Variants in ROBO1 observed in about 807,000 individuals in gnomAD.
ROBO1 encodes roundabout homolog 1.
In ROBO1, 149 loss-of-function variants were observed where a neutral mutation model predicts 195.9. The ratio of observed to expected loss-of-function variants is 0.76; its 90% CI spans 0.67 to 0.87. ROBO1 has a LOEUF of 0.87. Ranked by LOEUF, ROBO1 falls within the 40% of genes least tolerant of loss-of-function variation. The pLI is 0.00. For synonymous variants in ROBO1, 816 were observed against 733.2 expected, an observed-to-expected ratio of 1.11 and a Z score of -1.82; for missense variants, 1,933 against 2,068.3, an observed-to-expected ratio of 0.93 and a Z score of 1.27.
intron 4 of ROBO1, among the ~76,000 whole-genome samples, chr3:78,846,009 A>G (rs72896429): frequency 0.022 from 3,349 of 152,200 alleles, 98 homozygotes; most frequent in African/African-American, 0.074. Flanking sequence ...TTTTTATATA[A>G]CATTTCAAGT....
intron 3 of ROBO1, among the ~76,000 whole-genome samples, chr3:78,946,270 G>T (rs566896184): frequency 1.7e-4 from 26 of 152,306 alleles, no homozygotes; most frequent in African/African-American, 5.3e-4. Flanking sequence ...GGCAGCCAGG[G>T]AGAAAGGTCG....
intron 2 of ROBO1, among the ~76,000 whole-genome samples, chr3:79,298,465 GCTGT>G (rs1399065032): frequency 4.6e-5 from 7 of 152,064 alleles, no homozygotes; most frequent in Non-Finnish European, 8.8e-5. Context: ...AGTAGTCCTT[GCTGT>G]CTGTTTCTCT....
At chr3:79,570,690 T>A (rs935050680) in intron 2 of ROBO1, among the ~76,000 whole-genome samples, 1 of 152,170 alleles carries the variant, frequency 6.6e-6, no homozygotes, top group Admixed American at 6.6e-5. Flanking sequence ...ATAATTACAG[T>A]CAGAAAAACA....
intron 4 of ROBO1, among the ~76,000 whole-genome samples, chr3:78,798,668 A>AT (rs2084257846): frequency 6.6e-6 from 1 of 152,206 alleles, no homozygotes; most frequent in East Asian, 1.9e-4. Flanking sequence ...TTCATCATAT[A>AT]TTTTTAGATC....
At chr3:79,592,036 T>C (rs552885539) in intron 1 of ROBO1, among the ~76,000 whole-genome samples, 30 of 151,946 alleles carry the variant, frequency 2.0e-4, no homozygotes, top group Non-Finnish European at 3.8e-4. Flanking sequence ...TGCTTATTAC[T>C]TAAAAATTTA....
At chr3:79,122,384 A>C (rs2080135936) in intron 3 of ROBO1, among the ~76,000 whole-genome samples, 1 of 151,978 alleles carries the variant, frequency 6.6e-6, no homozygotes, top group African/African-American at 2.4e-5. Flanking sequence ...ATATTTCAAA[A>C]CCTTACATGG....
intron 3 of ROBO1, among the ~76,000 whole-genome samples, chr3:78,993,889 A>G (rs1257843880): frequency 3.3e-5 from 5 of 152,098 alleles, no homozygotes; most frequent in Non-Finnish European, 7.4e-5. Context: ...ATCCTGTCAC[A>G]TTTTGACAGA....
chr3:79,400,585 A>G (rs1437855339), intron 2 of ROBO1, among the ~76,000 whole-genome samples: 1 of 152,058 alleles, frequency 6.6e-6, no homozygotes, highest in South Asian at 2.1e-4. Flanking sequence ...GTTAGCTGTC[A>G]AGGATGATGG....
Position 78,886,883 on chromosome 3 carries a change from A to G in ROBO1, c.499+51718T>C, listed in dbSNP as rs865812159. ...ACACGAATGGATAATGATTAAAAAG[A>G]GCTCCAAGGAGATTCTGAGTTGCTG... is the stretch of plus-strand genomic sequence containing the variant. On this transcript the variant is annotated intron_variant, in intron 4 of 30. Transcript: ENST00000464233. Among the ~76,000 whole-genome samples the G allele has an allele frequency of 5.3e-5, 8 of 152,158 alleles. No homozygotes were observed. In the South Asian group the frequency reaches 1.4e-3, roughly 28 times the overall value.
Position 79,625,446 on chromosome 3 carries a change from C to G in ROBO1, c.-50-35485G>C, listed in dbSNP as rs990326116. On this transcript the variant is annotated intron_variant, in intron 1 of 30. Transcript: ENST00000464233. ...TTGAAAAAAAAAAAAAAAAAAAAAG[C>G]AAAATAGACCACTAGCTAGACTAGT... is the stretch of plus-strand genomic sequence containing the variant. 2.6e-3 allele frequency among the ~76,000 whole-genome samples: 88 copies of G among 34,488 alleles called. 1 individual carries two copies. Among genetic ancestry groups the G allele is most frequent in the Middle Eastern group, 0.018 (1 of 56 alleles). 22.6% of individuals were successfully genotyped at this position (34,488 alleles called of 152,430 possible).
chr3:78,846,024 A>G (rs968713134), intron 4 of ROBO1, among the ~76,000 whole-genome samples: 2 of 152,132 alleles, frequency 1.3e-5, no homozygotes, highest in Non-Finnish European at 2.9e-5. Context: ...TCAAGTACAC[A>G]TAGAAATTAG....
At chr3:79,493,585 T>G (rs1939579638) in intron 2 of ROBO1, among the ~76,000 whole-genome samples, 2 of 152,168 alleles carry the variant, frequency 1.3e-5, no homozygotes, top group Middle Eastern at 3.4e-3. Context: ...TCATTTTTAC[T>G]GAAAATATTT....
At chr3:79,296,048 T>C (rs900093655) in intron 2 of ROBO1, among the ~76,000 whole-genome samples, 11 of 152,102 alleles carry the variant, frequency 7.2e-5, no homozygotes, top group African/African-American at 2.2e-4. Flanking sequence ...AAGTATGAAA[T>C]CCATATATGC....
chr3:79,762,150 T>C (rs1158835789), intron 1 of ROBO1, among the ~76,000 whole-genome samples: 1 of 152,182 alleles, frequency 6.6e-6, no homozygotes, highest in Non-Finnish European at 1.5e-5. Flanking sequence ...CTCATAGTTT[T>C]AGAGGCTGGA....
chr3:78,809,902 G>C (rs1413716077), intron 4 of ROBO1, among the ~76,000 whole-genome samples: 2 of 151,756 alleles, frequency 1.3e-5, no homozygotes, highest in Non-Finnish European at 2.9e-5. Context: ...ACGGGTTGAT[G>C]GGTGCAGCAA....
At chr3:79,208,162 G>A (rs1276998180) in intron 2 of ROBO1, among the ~76,000 whole-genome samples, 1 of 152,084 alleles carries the variant, frequency 6.6e-6, no homozygotes, top group African/African-American at 2.4e-5. Flanking sequence ...ATAATTGCCT[G>A]TGCCATCTCT....
rs369219328 is a variant in ROBO1, at chr3:79,757,290, G to A, written c.-51+10462C>T. On this transcript the variant is annotated intron_variant, in intron 1 of 30. Transcript: ENST00000464233. ...CGTTTCCACCAGCAATACATAATCC[G>A]ATTTTGTTTGAAGTCTTAATTAATT... is the stretch of plus-strand genomic sequence containing the variant. 6.6e-5 allele frequency among the ~76,000 whole-genome samples: 10 copies of A among 152,164 alleles called. No individual in the cohort carries two copies. The East Asian group carries it at 7.7e-4, about 12-fold the overall frequency.
At chr3:79,327,260 G>A (rs1482758573) in intron 2 of ROBO1, among the ~76,000 whole-genome samples, 1 of 151,508 alleles carries the variant, frequency 6.6e-6, no homozygotes, top group Non-Finnish European at 1.5e-5. Flanking sequence ...AGACTGACAA[G>A]GTCATTATTA....
In ROBO1 at chr3:78,659,643, C is replaced by T. The variant is rs554072492; in HGVS notation, c.2442+43G>A. ...GCTTTTTCTTTATGAATGGTGGGGGCTGCCCATCAGGACATTAATATATAT... is the reference window on the plus strand; with the variant it reads ...GCTTTTTCTTTATGAATGGTGGGGGTTGCCCATCAGGACATTAATATATAT... On this transcript the variant is annotated intron_variant, in intron 17 of 30. Transcript: ENST00000464233. The T allele has an allele frequency of 6.7e-5, 88 of 1,310,936 alleles. 1 individual carries two copies. The African/African-American group carries it at 1.2e-3, about 18-fold the overall frequency. 81.2% of individuals were successfully genotyped at this position (1,310,936 alleles called of 1,614,324 possible).
Sources: gnomAD v4.1 joint callset for allele counts (sites outside exome capture counted in the v4.1 genomes callset) on GRCh38, gnomAD v4.1.1 for gene constraint, MANE v1.5 for transcripts, NCBI Gene and HGNC (gene_info 2026-07-23, HGNC 2026-07-21) for gene names.